The following HDLBP variants were observed in gnomAD, a reference collection of about 807,000 sequenced individuals.
HDLBP encodes the protein high density lipoprotein binding protein, also known as vigilin.
In HDLBP, 30 loss-of-function variants were observed where a neutral mutation model predicts 137.3. That is an observed-to-expected ratio of 0.22 (90% confidence interval 0.16 to 0.30). The LOEUF is 0.30. HDLBP is among the 10% of genes least tolerant of loss of function. The pLI, the probability that HDLBP is intolerant of heterozygous loss-of-function variation, is 1.00. For synonymous variants in HDLBP, 606 were observed against 596.0 expected, an observed-to-expected ratio of 1.02 and a Z score of -0.24; for missense variants, 1,119 against 1,667.3, an observed-to-expected ratio of 0.67 and a Z score of 5.73.
At position 241,272,260 on chromosome 2, in the gene HDLBP, G is replaced by A; in HGVS notation, c.-102-3719C>T. 1 of 971,760 alleles carries A rather than the reference G, an allele frequency of 1.0e-6. No individual in the cohort carries two copies. The highest frequency in any genetic ancestry group is 1.2e-6 in the Non-Finnish European group (1 of 817,776). 60.2% of individuals were successfully genotyped at this position (971,760 alleles called of 1,614,324 possible). A position where few individuals can be genotyped will look rare whatever the true frequency, so the allele number is the denominator to read the frequency against. ...ACCCCCGCCCCGCCGCCACCTGGGG[G>A]GAAGGACCCCGCTGGCCTCCCAGGG... On this transcript the variant is annotated intron_variant, in intron 1 of 27. Transcript: ENST00000310931. This position sits in a 1 kb window ranked among gnomAD's most constrained non-coding sequence, Gnocchi z 5.6.
At chr2:241,296,296 C>T (rs1673150899) in intron 1 of HDLBP, among the ~76,000 whole-genome samples, 1 of 152,112 alleles carries the variant, frequency 6.6e-6, no homozygotes, top group African/African-American at 2.4e-5. Context: ...ATTTGTTATC[C>T]ATTTTGAAAA....
chr2:241,255,262 C>T, intron 8 of HDLBP, 104 bp from the exon 9 acceptor site: 1 of 1,418,158 alleles, frequency 7.1e-7, no homozygotes, highest in Non-Finnish European at 1.0e-6. Context: ...CTCCCCAAAC[C>T]TGGGCACCTG....
chr2:241,309,274 C>A (rs1323416176), intron 1 of HDLBP, among the ~76,000 whole-genome samples: 1 of 152,162 alleles, frequency 6.6e-6, no homozygotes, highest in Non-Finnish European at 1.5e-5. Context: ...CAAAACGTGA[C>A]CTCCGTGAAA....
chr2:241,231,358 T>C (rs1372928404), intron 24 of HDLBP: 1 of 141,478 alleles, frequency 7.1e-6, no homozygotes, highest in Non-Finnish European at 1.5e-5. Context: ...CACTCCAGCC[T>C]GGGCAACAGA....
rs1262995016 is a variant in HDLBP at position 241,239,460 on chromosome 2, A to G, written c.2610+142T>C. The G allele has an allele frequency of 1.6e-6, 1 of 642,398 alleles. No individual in the cohort carries two copies. Among genetic ancestry groups the G allele is most frequent in the East Asian group, 2.7e-5 (1 of 37,068 alleles). The allele number at this position is 642,398 out of a possible 1,614,324, so 39.8% of individuals were successfully genotyped here. On this transcript the variant is annotated intron_variant, in intron 19 of 27. Coordinates refer to ENST00000310931, the MANE Select transcript of HDLBP (RefSeq NM_005336.6). This position sits in a 1 kb window ranked among gnomAD's most constrained non-coding sequence, Gnocchi z 4.6. ...CAGACAGGCTGAGGAAAGAAGAGCG[A>G]GCACCAGAAAGCCCCTTCTGAAGCC...
At chr2:241,267,574 A>G in intron 2 of HDLBP, 1 of 1,535,498 alleles carries the variant, frequency 6.5e-7, no homozygotes, top group Non-Finnish European at 8.7e-7. Context: ...TGCTCACCAC[A>G]CACCTCTTAA....
At chr2:241,241,391 C>T (rs1332232635) in intron 17 of HDLBP, among the ~76,000 whole-genome samples, 1 of 151,636 alleles carries the variant, frequency 6.6e-6, no homozygotes, top group African/African-American at 2.4e-5. Flanking sequence ...CACTGTGAAA[C>T]CCCATCTCTA....
intron 1 of HDLBP, among the ~76,000 whole-genome samples, chr2:241,296,037 T>C (rs1276142491): frequency 6.6e-6 from 1 of 150,608 alleles, no homozygotes; most frequent in Non-Finnish European, 1.5e-5. Context: ...GGATATTTTT[T>C]TAACTCTAAC....
At position 241,253,444 on chromosome 2, in the gene HDLBP, T is replaced by C; in HGVS notation, c.1242A>G (p.Thr414=). 1 of 1,613,872 alleles carries C rather than the reference T, an allele frequency of 6.2e-7. No individual in the cohort carries two copies. Among genetic ancestry groups the C allele is most frequent in the Non-Finnish European group, 8.5e-7 (1 of 1,179,702 alleles). ...GTTCCTGGGCCACATTGACATCCTC[T>C]GTAGGGCCCTCCAGGGTGATCTTGT... ...GEDKITLEGP[T]EDVNVAQEQI... Residue 414 remains threonine (T), a synonymous_variant, in exon 10 of 28, where the codon ACA becomes ACG. Coordinates refer to ENST00000310931, the MANE Select transcript of HDLBP (RefSeq NM_005336.6).
intron 1 of HDLBP, among the ~76,000 whole-genome samples, chr2:241,276,774 G>A (rs554340356): frequency 6.6e-6 from 1 of 152,162 alleles, no homozygotes; most frequent in Non-Finnish European, 1.5e-5. Context: ...TAATAACATA[G>A]CTGCAAAACA....
chr2:241,299,636 C>T (rs573566776), intron 1 of HDLBP, among the ~76,000 whole-genome samples: 31 of 151,780 alleles, frequency 2.0e-4, no homozygotes, highest in East Asian at 3.9e-4. Flanking sequence ...AAATTTTGGG[C>T]GGGGCGCGGT....
intron 1 of HDLBP, 159 bp from the exon 2 acceptor site, chr2:241,268,700 GA>G (rs909804630): frequency 5.1e-5 from 8 of 156,440 alleles, no homozygotes; most frequent in South Asian, 2.1e-4. Flanking sequence ...TTTCTTGGAA[GA>G]AAAAAAAAAC....
Position 241,235,859 on chromosome 2 carries a change from TAGG to T in HDLBP, c.2905-268_2905-266del, listed in dbSNP as rs552793307. Among the ~76,000 whole-genome samples the T allele has an allele frequency of 7.2e-5, 11 of 152,284 alleles. No homozygotes were observed. The South Asian group carries it at 8.3e-4, about 11-fold the overall frequency. ...TTACAGCAGCCCCTTCAGGCCCACGTAGGAGGAGAGGCCCTGACTCCTGGCACA... is the reference window on the plus strand; with the variant it reads ...TTACAGCAGCCCCTTCAGGCCCACGTAGGAGAGGCCCTGACTCCTGGCACA... On this transcript the variant is annotated intron_variant, in intron 21 of 27. Transcript: ENST00000310931.
At position 241,272,834 on chromosome 2, in the gene HDLBP, G is replaced by C. The variant is rs1384705212; in HGVS notation, c.-102-4293C>G. The C allele has an allele frequency of 7.0e-5, 20 of 285,652 alleles. No homozygotes were observed. Among genetic ancestry groups the C allele is most frequent in the Non-Finnish European group, 1.0e-4 (20 of 190,782 alleles). The allele number at this position is 285,652 out of a possible 1,614,324, so 17.7% of individuals were successfully genotyped here. ...CGCGGGAGAAGCCGGGACGCTCCGAGGCGCGGCGCCCGGGCCCCGGCTGCT... is the reference window on the plus strand; with the variant it reads ...CGCGGGAGAAGCCGGGACGCTCCGACGCGCGGCGCCCGGGCCCCGGCTGCT... On this transcript the variant is annotated intron_variant, in intron 1 of 27. Transcript: ENST00000310931. The surrounding 1 kb of genome is among the most constrained non-coding windows in gnomAD (Gnocchi z 5.6).
rs796340941 is a variant in HDLBP at position 241,230,480 on chromosome 2, C to T, written c.3475-211G>A. ...TCCCAGCAGACAGAGGGCCGCAGCACGTACTGTGCGCTCTTGCATGAAATT... is the reference window on the plus strand; with the variant it reads ...TCCCAGCAGACAGAGGGCCGCAGCATGTACTGTGCGCTCTTGCATGAAATT... On this transcript the variant is annotated intron_variant, in intron 25 of 27. Transcript: ENST00000310931. This position sits in a 1 kb window ranked among gnomAD's most constrained non-coding sequence, Gnocchi z 5.0. 2.0e-5 allele frequency among the ~76,000 whole-genome samples: 3 copies of T among 152,258 alleles called. No individual in the cohort carries two copies. The highest frequency in any genetic ancestry group is 1.9e-4 in the East Asian group (1 of 5,194).
rs2074088599 is a variant in HDLBP, at chr2:241,272,069, GTACTTTTCCGTAATGTATT to G, written c.-102-3547_-102-3529del. On this transcript the variant is annotated intron_variant, in intron 1 of 27. Coordinates refer to ENST00000310931, the MANE Select transcript of HDLBP (RefSeq NM_005336.6). The surrounding 1 kb of genome is among the most constrained non-coding windows in gnomAD (Gnocchi z 5.6). ...CCTCCCCGCCTTTCATCCAAATTCG[GTACTTTTCCGTAATGTATT>G]TTTCATCCACGACCCTGGGGCACGT... is the stretch of plus-strand genomic sequence containing the variant. 1 of 489,460 alleles carries G rather than the reference GTACTTTTCCGTAATGTATT, an allele frequency of 2.0e-6. No individual in the cohort carries two copies. Among genetic ancestry groups the G allele is most frequent in the Non-Finnish European group, 2.7e-6 (1 of 376,394 alleles). 30.3% of individuals were successfully genotyped at this position (489,460 alleles called of 1,614,324 possible).
intron 12 of HDLBP, 60 bp from the exon 13 acceptor site, chr2:241,248,408 G>A (rs1472922762): frequency 7.9e-7 from 1 of 1,270,136 alleles, no homozygotes. Context: ...ACTCCCCACT[G>A]ACACAAGGGG....
At position 241,235,020 on chromosome 2, in the gene HDLBP, CGCTGGGAT is replaced by C. The variant is rs1162314645; in HGVS notation, c.3144+93_3144+100del. On this transcript the variant is annotated intron_variant, in intron 23 of 27. Transcript: ENST00000310931. ...CTGCATCTCACCTCCAGCCAGATGTCGCTGGGATGCTGGGATCCTGAAGAACTTCCCTA... is the reference window on the plus strand; with the variant it reads ...CTGCATCTCACCTCCAGCCAGATGTCGCTGGGATCCTGAAGAACTTCCCTA... 3.7e-5 allele frequency: 53 copies of C among 1,415,304 alleles called. No individual in the cohort carries two copies. The African/African-American group carries it at 5.9e-4, about 16-fold the overall frequency. The allele number at this position is 1,415,304 out of a possible 1,614,324, so 87.7% of individuals were successfully genotyped here.
chr2:241,264,429 G>A lies in HDLBP; in HGVS notation c.234+19C>T, dbSNP rs759916137. The A allele has an allele frequency of 7.2e-6, 11 of 1,526,654 alleles. No individual in the cohort carries two copies. The highest frequency in any genetic ancestry group is 8.0e-6 in the Non-Finnish European group (9 of 1,125,454). The allele number at this position is 1,526,654 out of a possible 1,614,324, so 94.6% of individuals were successfully genotyped here. On this transcript the variant is annotated intron_variant, in intron 4 of 27. Transcript: ENST00000310931. The stretch of plus-strand genomic sequence containing the variant: ...ATGTTACATGATAAAATTTTTAAAA[G>A]AAAGAATGGTGTTTCTACCTGAGTG...
Sources: gnomAD v4.1 joint callset for allele counts (sites outside exome capture counted in the v4.1 genomes callset) on GRCh38, gnomAD v4.1.1 for gene constraint, Gnocchi (gnomAD v3.1) non-coding constraint, MANE v1.5 for transcripts, NCBI Gene and HGNC (gene_info 2026-07-23, HGNC 2026-07-21) for gene names.